SAMMSON: variants seen among roughly 807,000 people sequenced by gnomAD.
SAMMSON encodes the protein survival associated mitochondrial melanoma specific oncogenic non-coding RNA.
At chr3:70,117,565 G>C (rs1195271976) in intron 4 of SAMMSON, among the ~76,000 whole-genome samples, 2 of 152,098 alleles carry the variant, frequency 1.3e-5, no homozygotes, top group East Asian at 3.9e-4. Context: ...GATATTTATA[G>C]AGCCCTTGTT....
chr3:70,298,479 C>T (rs1702313132), intron 7 of SAMMSON, among the ~76,000 whole-genome samples: 1 of 152,106 alleles, frequency 6.6e-6, no homozygotes, highest in South Asian at 2.1e-4. Context: ...ACTTTTATCT[C>T]ATAAATATGA....
intron 4 of SAMMSON, among the ~76,000 whole-genome samples, chr3:70,223,353 C>T (rs180841341): frequency 5.3e-5 from 8 of 152,258 alleles, no homozygotes; most frequent in Non-Finnish European, 7.3e-5. Flanking sequence ...CCTATCTCTG[C>T]ACAGATTCCT....
chr3:70,298,563 T>C (rs955689314), intron 7 of SAMMSON, among the ~76,000 whole-genome samples: 1 of 152,124 alleles, frequency 6.6e-6, no homozygotes, highest in East Asian at 1.9e-4. Flanking sequence ...AGTTGGCTTC[T>C]GAATCTTCAT....
intron 1 of SAMMSON, among the ~76,000 whole-genome samples, chr3:70,004,223 T>A (rs991039866): frequency 2.0e-5 from 3 of 152,134 alleles, no homozygotes; most frequent in African/African-American, 7.2e-5. Context: ...GTTAGTAAGT[T>A]AGTAAGTTGC....
chr3:70,078,205 A>C (rs2067255858), intron 4 of SAMMSON, among the ~76,000 whole-genome samples: 2 of 152,038 alleles, frequency 1.3e-5, no homozygotes, highest in Admixed American at 6.6e-5. Context: ...TTGGACAGTT[A>C]CTCTTAGGAT....
At chr3:70,097,767 G>A (rs1009526068) in intron 4 of SAMMSON, among the ~76,000 whole-genome samples, 5 of 152,072 alleles carry the variant, frequency 3.3e-5, no homozygotes, top group African/African-American at 4.8e-5. Flanking sequence ...AAGGTTACTC[G>A]CAATCATTTA....
intron 2 of SAMMSON, among the ~76,000 whole-genome samples, chr3:70,426,186 G>T (rs757945563): frequency 2.6e-5 from 4 of 152,134 alleles, no homozygotes; most frequent in South Asian, 2.1e-4. Flanking sequence ...CAAGCCTATT[G>T]TTCTATGTCA....
chr3:70,192,945 C>T (rs1480545436), intron 4 of SAMMSON, among the ~76,000 whole-genome samples: 1 of 152,030 alleles, frequency 6.6e-6, no homozygotes, highest in Non-Finnish European at 1.5e-5. Flanking sequence ...GGGGTTGTGG[C>T]TGTCCTGTGC....
chr3:70,379,988 G>T (rs1703052160), intron 9 of SAMMSON, among the ~76,000 whole-genome samples: 1 of 152,084 alleles, frequency 6.6e-6, no homozygotes, highest in Non-Finnish European at 1.5e-5. Flanking sequence ...AAATACTTTT[G>T]ATTTGGGGTG....
At chr3:70,224,467 G>A (rs1048953892) in intron 4 of SAMMSON, among the ~76,000 whole-genome samples, 2 of 152,172 alleles carry the variant, frequency 1.3e-5, no homozygotes, top group South Asian at 2.1e-4. Flanking sequence ...AAAGAAAAGC[G>A]CTTCATTCTC....
At chr3:70,165,247 A>G (rs2067632168) in intron 4 of SAMMSON, among the ~76,000 whole-genome samples, 3 of 152,052 alleles carry the variant, frequency 2.0e-5, no homozygotes, top group Admixed American at 2.0e-4. Context: ...ATGCAGACTT[A>G]TCAGATAACA....
chr3:70,193,285 T>C (rs1171861463), intron 4 of SAMMSON, among the ~76,000 whole-genome samples: 2 of 152,084 alleles, frequency 1.3e-5, no homozygotes, highest in African/African-American at 4.8e-5. Context: ...ATAATTTTAG[T>C]CCCATATTAA....
At chr3:70,167,512 A>C (rs2067642654) in intron 4 of SAMMSON, among the ~76,000 whole-genome samples, 1 of 151,990 alleles carries the variant, frequency 6.6e-6, no homozygotes, top group African/African-American at 2.4e-5. Context: ...TGAGCAATAC[A>C]GATCTAGTGA....
chr3:70,409,441 G>T (rs1701201255), intron 2 of SAMMSON, among the ~76,000 whole-genome samples: 1 of 150,814 alleles, frequency 6.6e-6, no homozygotes, highest in African/African-American at 2.4e-5. Context: ...GAGAAGAAAA[G>T]CCTCAGAAGA....
At position 70,140,444 on chromosome 3, in the gene SAMMSON, A is replaced by G. The variant is rs570987198; in HGVS notation, n.507+68879A>G. On this transcript the variant is annotated intron_variant and non_coding_transcript_variant, in intron 4 of 9. Coordinates refer to ENST00000642114, the Ensembl canonical transcript of SAMMSON. ...AGGAGCTTTGGACTTTTTGCATGCA[A>G]GGGACCACTGAGTGACCCACAAACT... The G allele has an allele frequency of 7.0e-5, 13 of 186,362 alleles. 1 individual carries two copies. The South Asian group carries it at 1.5e-3, about 22-fold the overall frequency. 11.5% of individuals were successfully genotyped at this position (186,362 alleles called of 1,614,324 possible).
At chr3:70,254,743 A>G (rs139995817) in intron 6 of SAMMSON, among the ~76,000 whole-genome samples, 77 of 152,326 alleles carry the variant, frequency 5.1e-4, no homozygotes, top group Admixed American at 1.4e-3. Flanking sequence ...ACTCTACTCA[A>G]TAGAGATATT....
chr3:70,245,194 C>T (rs567271539), intron 4 of SAMMSON, among the ~76,000 whole-genome samples: 4 of 151,866 alleles, frequency 2.6e-5, no homozygotes, highest in Admixed American at 1.3e-4. Flanking sequence ...TTTCTCTTGG[C>T]GTTAAGTCTG....
intron 6 of SAMMSON, among the ~76,000 whole-genome samples, chr3:70,287,941 TTC>T (rs1393954242): frequency 1.3e-5 from 2 of 152,208 alleles, no homozygotes; most frequent in African/African-American, 4.8e-5. Context: ...TATTTGATTC[TTC>T]TCTCTTTTTT....
At chr3:70,337,151 ATAATAATATCTAACTTAATATAATAT>A (rs1330827303) in intron 7 of SAMMSON, among the ~76,000 whole-genome samples, 3 of 65,264 alleles carry the variant, frequency 4.6e-5, no homozygotes, top group Non-Finnish European at 7.6e-5. Context: ...ATTATTATTA[ATAATAATATCTAACTTAATATAATAT>A]TAATAATATG....
Sources: allele counts gnomAD v4.1 joint callset (sites outside exome capture counted in the v4.1 genomes callset), GRCh38; gene constraint gnomAD v4.1.1; transcripts MANE v1.5; gene names NCBI Gene and HGNC (gene_info 2026-07-23, HGNC 2026-07-21).